The following GRIP1 variants were observed in gnomAD, a reference collection of about 807,000 sequenced individuals.
GRIP1 encodes glutamate receptor-interacting protein 1.
In GRIP1, 45 loss-of-function variants were observed where a neutral mutation model predicts 129.9. That is an observed-to-expected ratio of 0.35 (90% confidence interval 0.27 to 0.44). The LOEUF is 0.44. GRIP1 is among the 20% of genes least tolerant of loss of function. The probability of loss-of-function intolerance (pLI) is 1.00; values close to 1 mark genes in which losing one functional copy is unlikely to be tolerated. For missense variants in GRIP1, 1,196 were observed against 1,396.8 expected, an observed-to-expected ratio of 0.86 and a Z score of 2.29; for synonymous variants, 530 against 520.8, an observed-to-expected ratio of 1.02 and a Z score of -0.24.
intron 1 of GRIP1, among the ~76,000 whole-genome samples, chr12:66,958,056 C>T (rs76454244): frequency 0.09 from 13,650 of 152,122 alleles, 698 homozygotes; most frequent in East Asian, 0.15. Flanking sequence ...TGTTTCATTG[C>T]TCAAATTGCC....
At chr12:66,650,168 C>G (rs909831822) in intron 1 of GRIP1, among the ~76,000 whole-genome samples, 3 of 152,146 alleles carry the variant, frequency 2.0e-5, no homozygotes, top group African/African-American at 7.2e-5. Context: ...GCATCCCACT[C>G]CACCTGTGCA....
At chr12:67,002,578 T>C (rs1020898043) in intron 1 of GRIP1, among the ~76,000 whole-genome samples, 32 of 152,202 alleles carry the variant, frequency 2.1e-4, no homozygotes, top group African/African-American at 7.0e-4. Context: ...CTAATCCATT[T>C]AAAGAAACAA....
chr12:66,841,007 T>G (rs149130299), intron 1 of GRIP1, among the ~76,000 whole-genome samples: 1 of 152,238 alleles, frequency 6.6e-6, no homozygotes, highest in Admixed American at 6.5e-5. Context: ...AATTTTTTAG[T>G]ATAAGGTTAT....
chr12:67,054,355 A>G (rs1198159553), intron 1 of GRIP1, among the ~76,000 whole-genome samples: 3 of 152,252 alleles, frequency 2.0e-5, no homozygotes, highest in Admixed American at 6.5e-5. Context: ...CGAAACAGAT[A>G]AAAATTCCTG....
chr12:66,935,159 G>A (rs2041463854), intron 1 of GRIP1, among the ~76,000 whole-genome samples: 1 of 152,090 alleles, frequency 6.6e-6, no homozygotes, highest in Non-Finnish European at 1.5e-5. Flanking sequence ...TCAATTAGTT[G>A]CTATATTCCT....
intron 1 of GRIP1, among the ~76,000 whole-genome samples, chr12:66,771,018 A>T (rs561742355): frequency 6.6e-6 from 1 of 152,116 alleles, no homozygotes; most frequent in Non-Finnish European, 1.5e-5. Flanking sequence ...GCTTGAACCC[A>T]GGAGGCGGAA....
chr12:66,533,491 A>G (rs1398463356), intron 4 of GRIP1, among the ~76,000 whole-genome samples: 3 of 152,036 alleles, frequency 2.0e-5, no homozygotes, highest in Non-Finnish European at 2.9e-5. Flanking sequence ...CTACAAATAT[A>G]AAAATTAGCC....
chr12:66,721,892 C>A (rs2036069145), intron 1 of GRIP1, among the ~76,000 whole-genome samples: 1 of 152,066 alleles, frequency 6.6e-6, no homozygotes, highest in African/African-American at 2.4e-5. Flanking sequence ...ATCTCATGAA[C>A]CAACCTCTTC....
chr12:66,858,254 A>G (rs555966535), intron 1 of GRIP1, among the ~76,000 whole-genome samples: 1 of 152,046 alleles, frequency 6.6e-6, no homozygotes, highest in South Asian at 2.1e-4. Flanking sequence ...CTCTTTACTA[A>G]AACAACGCTA....
chr12:66,971,818 T>A (rs191300426), intron 1 of GRIP1, among the ~76,000 whole-genome samples: 40 of 152,280 alleles, frequency 2.6e-4, no homozygotes, highest in Non-Finnish European at 4.1e-4. Flanking sequence ...TAGAATTAAG[T>A]TTGTGAAGAA....
chr12:67,058,410 C>A (rs1204543668), intron 1 of GRIP1, among the ~76,000 whole-genome samples: 1 of 152,160 alleles, frequency 6.6e-6, no homozygotes, highest in Non-Finnish European at 1.5e-5. Context: ...CTTATTAATT[C>A]TAACATAAAT....
At chr12:66,672,486 G>A (rs977016321) in intron 1 of GRIP1, among the ~76,000 whole-genome samples, 1 of 151,348 alleles carries the variant, frequency 6.6e-6, no homozygotes, top group Non-Finnish European at 1.5e-5. Flanking sequence ...AAATATCTGG[G>A]TGCATTTTTT....
chr12:66,907,211 C>G (rs1343790664), intron 1 of GRIP1, among the ~76,000 whole-genome samples: 1 of 152,104 alleles, frequency 6.6e-6, no homozygotes, highest in Non-Finnish European at 1.5e-5. Flanking sequence ...GAGAGAAGTA[C>G]ATTTTTGCTA....
At chr12:66,376,467 C>T (rs2055790239) in intron 22 of GRIP1, among the ~76,000 whole-genome samples, 1 of 152,030 alleles carries the variant, frequency 6.6e-6, no homozygotes, top group Non-Finnish European at 1.5e-5. Flanking sequence ...GTGTGAATAC[C>T]ATCAGCAAAT....
chr12:66,552,644 A>G (rs2062179803), intron 2 of GRIP1, among the ~76,000 whole-genome samples: 1 of 152,190 alleles, frequency 6.6e-6, no homozygotes, highest in Admixed American at 6.5e-5. Flanking sequence ...CAATGGACCA[A>G]AAGAATGTAT....
intron 1 of GRIP1, among the ~76,000 whole-genome samples, chr12:66,882,947 T>A (rs2040505204): frequency 1.3e-5 from 2 of 152,134 alleles, no homozygotes; most frequent in Admixed American, 6.5e-5. Context: ...GGATTCTGGC[T>A]CCAGAATTGG....
At chr12:66,472,449 C>T (rs1286100216) in intron 7 of GRIP1, among the ~76,000 whole-genome samples, 1 of 152,102 alleles carries the variant, frequency 6.6e-6, no homozygotes, top group Non-Finnish European at 1.5e-5. Context: ...ATACTGTTTG[C>T]AACTCCTCTC....
chr12:66,645,922 C>T (rs930186831), intron 1 of GRIP1, among the ~76,000 whole-genome samples: 17 of 152,100 alleles, frequency 1.1e-4, no homozygotes, highest in African/African-American at 2.4e-4. Flanking sequence ...TCTAGGGCTT[C>T]GGAGGCAGAG....
At chr12:66,630,003 A>C (rs10784559) in intron 1 of GRIP1, among the ~76,000 whole-genome samples, 29,827 of 151,904 alleles carry the variant, frequency 0.2, 3,056 homozygotes, top group Non-Finnish European at 0.23. Context: ...TTAAATAATA[A>C]ATTTTGCAGC....
Sources: gnomAD v4.1 joint callset for allele counts (sites outside exome capture counted in the v4.1 genomes callset) on GRCh38, gnomAD v4.1.1 for gene constraint, MANE v1.5 for transcripts, NCBI Gene and HGNC (gene_info 2026-07-23, HGNC 2026-07-21) for gene names.